Variants in POC1A observed in about 807,000 individuals in gnomAD.
POC1A encodes POC1 centriolar protein A, also known as POC1 centriolar protein homolog A.
POC1A carries 34 observed loss-of-function variants against 47.8 expected under a neutral mutation model. The ratio of observed to expected loss-of-function variants is 0.71; its 90% CI spans 0.54 to 0.95. POC1A has a LOEUF of 0.95. POC1A is among the 40% of genes least tolerant of loss of function. The pLI is 0.00. For synonymous variants in POC1A, 177 were observed against 207.6 expected, an observed-to-expected ratio of 0.85 and a Z score of 1.27; for missense variants, 466 against 528.3, an observed-to-expected ratio of 0.88 and a Z score of 1.16.
intron 9 of POC1A, among the ~76,000 whole-genome samples, chr3:52,114,995 C>A (rs1703511331): frequency 6.6e-6 from 1 of 152,178 alleles, no homozygotes. Context: ...ACATCTTGAC[C>A]CCCAGAGATG....
intron 9 of POC1A, among the ~76,000 whole-genome samples, chr3:52,108,299 CA>C (rs1411591825): frequency 6.6e-6 from 1 of 152,192 alleles, no homozygotes; most frequent in Non-Finnish European, 1.5e-5. Context: ...GCTGTCATTA[CA>C]AACTCTGTGT....
chr3:52,114,868 G>T (rs1703507255), intron 9 of POC1A, among the ~76,000 whole-genome samples: 1 of 152,212 alleles, frequency 6.6e-6, no homozygotes, highest in Non-Finnish European at 1.5e-5. Context: ...TTAGAAGAGG[G>T]TCTGCTTTGC....
At chr3:52,138,111 CCAGA>C (rs1217675218) in intron 7 of POC1A, 54 bp downstream of exon 7, 19 of 1,593,308 alleles carry the variant, frequency 1.2e-5, no homozygotes, top group Admixed American at 1.7e-5. Context: ...TGCCCACTGC[CCAGA>C]CAGTGAAGGT....
chr3:52,087,718 A>G (rs1490242600), intron 10 of POC1A, among the ~76,000 whole-genome samples: 2 of 152,376 alleles, frequency 1.3e-5, no homozygotes, highest in East Asian at 3.9e-4. Context: ...CCCCAAAAGG[A>G]GAAGCTATAA....
intron 9 of POC1A, among the ~76,000 whole-genome samples, chr3:52,120,336 G>C (rs559661048): frequency 2.2e-4 from 34 of 152,324 alleles, no homozygotes; most frequent in South Asian, 6.2e-4. Flanking sequence ...CCTCAGATTA[G>C]AGAAGTCCTG....
chr3:52,143,560 G>A (rs915335959), intron 6 of POC1A, among the ~76,000 whole-genome samples: 8 of 152,032 alleles, frequency 5.3e-5, no homozygotes, highest in African/African-American at 1.9e-4. Context: ...TCAATTATAG[G>A]GGCTCAGAAT....
intron 10 of POC1A, among the ~76,000 whole-genome samples, chr3:52,093,502 G>C (rs1702710289): frequency 1.3e-5 from 2 of 152,230 alleles, no homozygotes. Context: ...AGCAACAGGA[G>C]CAGCACCCAA....
At chr3:52,140,840 G>C (rs1055907657) in intron 6 of POC1A, among the ~76,000 whole-genome samples, 1 of 152,130 alleles carries the variant, frequency 6.6e-6, no homozygotes, top group African/African-American at 2.4e-5. Context: ...AGGCCTCATC[G>C]TAAGAACCAC....
At position 52,151,098 on chromosome 3, in the gene POC1A, C is replaced by A; in HGVS notation, c.21G>T (p.Glu7Asp). Residue 7 changes from glutamate (E) to aspartate (D), a missense_variant and splice_region_variant, in exon 2 of 11, where the codon GAG (glutamate) becomes GAT (aspartate). Coordinates refer to ENST00000296484, the MANE Select transcript of POC1A (RefSeq NM_015426.5). The part of the protein sequence containing the change: MAAPCA[E>D]DPSLERHFKG... ...TAAAATGCCTTTCCAGCGAGGGGTC[C>A]TCCTGAGAGAGAGCCAGGGTCAAAT... 1 of 1,613,654 alleles carries A rather than the reference C, an allele frequency of 6.2e-7. No individual in the cohort carries two copies. The highest frequency in any genetic ancestry group is 1.3e-5 in the African/African-American group (1 of 74,990).
At chr3:52,096,429 G>A in intron 10 of POC1A, 140 bp downstream of exon 10, 1 of 747,884 alleles carries the variant, frequency 1.3e-6, no homozygotes, top group South Asian at 2.2e-5. Context: ...GCTCTGCAAT[G>A]TCATTAATAT....
rs139525330 is a variant in POC1A, at chr3:52,122,067, G to C, written c.981+312C>G. ...GTGACCCAGGGTTCAGTATGGGACG[G>C]GTCCCTTGTCTCCTAAGGCCTCAAT... On this transcript the variant is annotated intron_variant, in intron 9 of 10. Coordinates refer to ENST00000296484, the MANE Select transcript of POC1A (RefSeq NM_015426.5). Among the ~76,000 whole-genome samples, 419 of 152,268 alleles carry C rather than the reference G, an allele frequency of 2.8e-3. 3 individuals carry two copies. Among genetic ancestry groups the C allele is most frequent in the African/African-American group, 9.7e-3 (403 of 41,552 alleles).
At chr3:52,083,710 G>A (rs752333862) in intron 10 of POC1A, among the ~76,000 whole-genome samples, 14 of 152,200 alleles carry the variant, frequency 9.2e-5, no homozygotes, top group Non-Finnish European at 1.9e-4. Context: ...TGGCCACCTG[G>A]GACTGAGCTC....
intron 10 of POC1A, among the ~76,000 whole-genome samples, chr3:52,094,350 G>A (rs554341500): frequency 1.3e-5 from 2 of 152,362 alleles, no homozygotes; most frequent in East Asian, 3.9e-4. Flanking sequence ...AGCTTCAGGG[G>A]AGGGCTGGGT....
In POC1A at chr3:52,075,915, T is replaced by G; in HGVS notation, c.1196A>C (p.Gln399Pro). ...DKLKQCLENQ[Q>P]LIMQRATP is the part of the protein sequence containing the mutation. Reference sequence around the variant, plus strand: ...TGGTGTTGCTCTCTGCATGATTAGCTGCTGGTTCTCCAGACACTGCTTCAG... The same window carrying G: ...TGGTGTTGCTCTCTGCATGATTAGCGGCTGGTTCTCCAGACACTGCTTCAG... The change falls in exon 11 of 11, where the codon CAG (glutamine) becomes CCG (proline). Residue 399 changes from glutamine to proline, a missense_variant. Coordinates refer to ENST00000296484, the MANE Select transcript of POC1A (RefSeq NM_015426.5). The G allele has an allele frequency of 6.2e-7, 1 of 1,613,948 alleles. No individual in the cohort carries two copies. The highest frequency in any genetic ancestry group is 2.2e-5 in the East Asian group (1 of 44,876).
intron 9 of POC1A, among the ~76,000 whole-genome samples, chr3:52,110,064 A>C (rs1004433549): frequency 6.6e-6 from 1 of 152,152 alleles, no homozygotes; most frequent in Admixed American, 6.5e-5. Context: ...TGAGACCATC[A>C]AAAATGCCAA....
intron 6 of POC1A, among the ~76,000 whole-genome samples, chr3:52,142,522 G>A (rs1322259594): frequency 1.3e-5 from 2 of 152,222 alleles, no homozygotes; most frequent in African/African-American, 2.4e-5. Flanking sequence ...CCCTCATAGA[G>A]CACAACTATG....
chr3:52,138,865 ACTCTGTCG>A (rs1334014027), intron 6 of POC1A, among the ~76,000 whole-genome samples: 1 of 152,022 alleles, frequency 6.6e-6, no homozygotes, highest in Non-Finnish European at 1.5e-5. Flanking sequence ...ACAGAGTCTC[ACTCTGTCG>A]CCCAGACTGG....
chr3:52,127,346 A>G (rs1704041873), intron 7 of POC1A, among the ~76,000 whole-genome samples: 1 of 151,760 alleles, frequency 6.6e-6, no homozygotes, highest in Non-Finnish European at 1.5e-5. Flanking sequence ...ATTTCAGGTA[A>G]CTTTTACTTG....
At chr3:52,102,251 T>G (rs1703030012) in intron 9 of POC1A, among the ~76,000 whole-genome samples, 1 of 152,236 alleles carries the variant, frequency 6.6e-6, no homozygotes, top group African/African-American at 2.4e-5. Context: ...AATAGTTTCC[T>G]AGGGCTGCTG....
Sources: gnomAD v4.1 joint callset for allele counts (sites outside exome capture counted in the v4.1 genomes callset) on GRCh38, gnomAD v4.1.1 for gene constraint, MANE v1.5 for transcripts, NCBI Gene and HGNC (gene_info 2026-07-23, HGNC 2026-07-21) for gene names.